Variants in SMARCA4 observed in about 807,000 individuals in gnomAD.
SMARCA4 encodes the protein SWI/SNF-related matrix-associated actin-dependent regulator of chromatin subfamily A member 4.
Under a neutral mutation model 193.9 loss-of-function variants are expected in SMARCA4, and 31 were observed. The observed-to-expected ratio is 0.16, with a 90% CI of 0.12 to 0.22. The LOEUF is 0.22. SMARCA4 is among the 10% of genes least tolerant of loss of function. The pLI, the probability that SMARCA4 is intolerant of heterozygous loss-of-function variation, is 1.00. For missense variants in SMARCA4, 1,148 were observed against 2,296.0 expected (o/e 0.50, Z 10.22); for synonymous variants, 942 against 933.1 (o/e 1.01, Z -0.17).
chr19:10,989,614 G>A (rs1332311647), intron 7 of SMARCA4, among the ~76,000 whole-genome samples, 171 bp downstream of exon 7: 1 of 152,140 alleles, frequency 6.6e-6, no homozygotes, highest in Non-Finnish European at 1.5e-5. Context: ...CTTACGGCCT[G>A]CGCAGTGCTG....
chr19:10,972,830 G>A (rs988381991), intron 1 of SMARCA4, among the ~76,000 whole-genome samples: 4 of 152,208 alleles, frequency 2.6e-5, no homozygotes, highest in Admixed American at 6.5e-5. Context: ...AAGAATAGGG[G>A]CCGGGCACAG....
At chr19:11,022,032 G>C (rs933520175) in intron 19 of SMARCA4, 65 bp downstream of exon 19, 1 of 1,606,558 alleles carries the variant, frequency 6.2e-7, no homozygotes, top group Non-Finnish European at 8.5e-7. Flanking sequence ...TGGTTGGAAC[G>C]TGTTGAGCAC....
intron 1 of SMARCA4, among the ~76,000 whole-genome samples, chr19:10,963,623 G>A (rs1729181199): frequency 6.6e-6 from 1 of 152,118 alleles, no homozygotes; most frequent in South Asian, 2.1e-4. Context: ...AACCTCAAGC[G>A]AGGCGCTTAG....
chr19:10,992,420 A>AT (rs927402603), intron 8 of SMARCA4, among the ~76,000 whole-genome samples: 3,018 of 118,518 alleles, frequency 0.025, 76 homozygotes, highest in South Asian at 0.054. Flanking sequence ...CCTGGCCAAC[A>AT]TTTTTTTTTT....
intron 16 of SMARCA4, among the ~76,000 whole-genome samples, chr19:11,013,949 C>T (rs185804835): frequency 3.5e-4 from 53 of 152,238 alleles, no homozygotes; most frequent in African/African-American, 1.1e-3. Context: ...ATCTCTCTAC[C>T]CAGCTCAGCC....
In SMARCA4 at chr19:11,041,387, C is replaced by T. The variant is rs377057304; in HGVS notation, c.4251C>T (p.Ser1417=). ...KKSSRKRKRD[S]DAGSSTPTTS... ...CATCACGGAAGCGCAAGCGAGACAG[C>T]GACGCCGGCTCCTCCACCCCGACCA... Residue 1417 remains serine, a synonymous_variant, in exon 30 of 35, where the codon AGC becomes AGT. Transcript: ENST00000344626. The surrounding 1 kb of genome is among the most constrained non-coding windows in gnomAD (Gnocchi z 5.6). 6.7e-5 allele frequency: 108 copies of T among 1,612,490 alleles called. 1 individual carries two copies. In the South Asian group the frequency reaches 8.5e-4, roughly 13 times the overall value.
At chr19:10,966,131 C>A (rs1310847514) in intron 1 of SMARCA4, among the ~76,000 whole-genome samples, 1 of 151,590 alleles carries the variant, frequency 6.6e-6, no homozygotes. Flanking sequence ...TACAGGTGCC[C>A]GCCACCATGC....
chr19:11,022,542 G>C (rs1198503121), intron 19 of SMARCA4, among the ~76,000 whole-genome samples: 4 of 152,242 alleles, frequency 2.6e-5, no homozygotes, highest in Non-Finnish European at 5.9e-5. Context: ...GCTCCTTGCT[G>C]TTGGAGGTTG....
rs757553186 is a variant in SMARCA4 at position 11,030,912 on chromosome 19, C to G, written c.3546+19C>G. The stretch of plus-strand genomic sequence containing the variant: ...TCACCAGGTAAAAGCGGGCCGGGCC[C>G]CAGGTCGAGGAGAAGGAAGGGGGTG... On this transcript the variant is annotated intron_variant, in intron 25 of 34. Transcript: ENST00000344626. The surrounding 1 kb of genome is among the most constrained non-coding windows in gnomAD (Gnocchi z 5.5). 3 of 1,606,496 alleles carry G rather than the reference C, an allele frequency of 1.9e-6. No individual in the cohort carries two copies. The highest frequency in any genetic ancestry group is 2.5e-6 in the Non-Finnish European group (3 of 1,177,002).
At chr19:10,992,297 A>G (rs1413041520) in intron 8 of SMARCA4, among the ~76,000 whole-genome samples, 1 of 149,048 alleles carries the variant, frequency 6.7e-6, no homozygotes, top group South Asian at 2.1e-4. Flanking sequence ...TTGTATTTTT[A>G]GTAGAGATGG....
chr19:11,061,743 G>C (rs753793540), intron 34 of SMARCA4, 41 bp from the exon 35 acceptor site: 1 of 1,605,252 alleles, frequency 6.2e-7, no homozygotes. Flanking sequence ...GCCCTGGCAG[G>C]GGTGGCCAAC....
intron 15 of SMARCA4, chr19:11,012,553 T>C (rs2088952332): frequency 6.6e-6 from 2 of 301,012 alleles, no homozygotes; most frequent in East Asian, 1.5e-4. Context: ...GTTCAGGCAG[T>C]GAATTCCTCA....
chr19:10,998,553 TG>T (rs1041836825), intron 11 of SMARCA4, among the ~76,000 whole-genome samples: 7 of 151,462 alleles, frequency 4.6e-5, no homozygotes, highest in Non-Finnish European at 8.8e-5. Flanking sequence ...GGCTACAGGA[TG>T]GTGACTTTTA....
intron 29 of SMARCA4, among the ~76,000 whole-genome samples, chr19:11,038,996 G>A (rs1362836230): frequency 6.6e-6 from 1 of 151,984 alleles, no homozygotes; most frequent in Non-Finnish European, 1.5e-5. Context: ...CAAAGCGGGG[G>A]GATCATTTCA....
At chr19:10,989,225 C>G in intron 6 of SMARCA4, 92 bp from the exon 7 acceptor site, 2 of 1,507,102 alleles carry the variant, frequency 1.3e-6, no homozygotes, top group Non-Finnish European at 1.8e-6. Flanking sequence ...TAGTGCCTGC[C>G]TCTCTCGAGG....
At chr19:11,023,755 G>T in intron 20 of SMARCA4, 124 bp downstream of exon 20, 1 of 720,866 alleles carries the variant, frequency 1.4e-6, no homozygotes, top group Non-Finnish European at 2.5e-6. Flanking sequence ...CAGCTTGGGG[G>T]TGGCGATGAC....
intron 8 of SMARCA4, among the ~76,000 whole-genome samples, chr19:10,993,236 T>C (rs1387462232): frequency 6.6e-6 from 1 of 152,198 alleles, no homozygotes; most frequent in African/African-American, 2.4e-5. Context: ...TCCGCCTGCC[T>C]TGGCCTTCCA....
In SMARCA4 at chr19:11,034,783, T is replaced by C. The variant is rs1426144115; in HGVS notation, c.3952-131T>C. On this transcript the variant is annotated intron_variant, in intron 28 of 34. Coordinates refer to ENST00000344626, the MANE Select transcript of SMARCA4 (RefSeq NM_003072.5). The surrounding 1 kb of genome is among the most constrained non-coding windows in gnomAD (Gnocchi z 7.0). ...CAGCCACTGAAAAATCGAGAGCTAC[T>C]GTTTAACTCTCGCAGCAGCGTGGAG... is the stretch of plus-strand genomic sequence containing the variant. 1 of 715,192 alleles carries C rather than the reference T, an allele frequency of 1.4e-6. No individual in the cohort carries two copies. The highest frequency in any genetic ancestry group is 2.5e-6 in the Non-Finnish European group (1 of 401,032). The allele number at this position is 715,192 out of a possible 1,614,324, so 44.3% of individuals were successfully genotyped here. A position where few individuals can be genotyped will look rare whatever the true frequency, so the allele number is the denominator to read the frequency against.
rs1339045848 is a variant in SMARCA4 at position 10,984,451 on chromosome 19, T to G, written c.222+78T>G. 6 of 1,548,376 alleles carry G rather than the reference T, an allele frequency of 3.9e-6. No individual in the cohort carries two copies. The highest frequency in any genetic ancestry group is 1.4e-5 in the African/African-American group (1 of 73,004). ...CAGGCAGCCTCTGGACCGAGGGCCT[T>G]ACTTGGAGGATGGGGGGAAGCCTTC... On this transcript the variant is annotated intron_variant, in intron 2 of 34. Coordinates refer to ENST00000344626, the MANE Select transcript of SMARCA4 (RefSeq NM_003072.5). This position sits in a 1 kb window ranked among gnomAD's most constrained non-coding sequence, Gnocchi z 4.3.
Sources: gnomAD v4.1 joint callset for allele counts (sites outside exome capture counted in the v4.1 genomes callset) on GRCh38, gnomAD v4.1.1 for gene constraint, Gnocchi (gnomAD v3.1) non-coding constraint, MANE v1.5 for transcripts, NCBI Gene and HGNC (gene_info 2026-07-23, HGNC 2026-07-21) for gene names.